The following GLDC variants were observed in gnomAD, a reference collection of about 807,000 sequenced individuals.
GLDC encodes glycine dehydrogenase (decarboxylating), mitochondrial.
A neutral mutation model predicts 121.3 loss-of-function variants in GLDC; 104 were observed. The ratio of observed to expected loss-of-function variants is 0.86; its 90% CI spans 0.73 to 1.01. The LOEUF is 1.01. Among genes scored for constraint, GLDC ranks in the 50% least tolerant of loss-of-function variants. GLDC has a pLI of 0.00. For synonymous variants in GLDC, 546 were observed against 480.6 expected (o/e 1.14, Z -1.78); for missense variants, 1,429 against 1,306.6 (o/e 1.09, Z -1.44).
At chr9:6,629,587 A>C (rs1027115081) in intron 2 of GLDC, among the ~76,000 whole-genome samples, 1 of 145,970 alleles carries the variant, frequency 6.9e-6, no homozygotes, top group African/African-American at 2.6e-5. Context: ...AATCTGTATG[A>C]GTCAAGATAC....
chr9:6,589,188 C>G lies in GLDC; in HGVS notation c.1580+7G>C, dbSNP rs1205124797. 3.2e-6 allele frequency: 5 copies of G among 1,561,888 alleles called. No individual in the cohort carries two copies. The Middle Eastern group carries it at 5.0e-4, about 157-fold the overall frequency. On this transcript the variant is annotated splice_region_variant and intron_variant, in intron 12 of 24. Coordinates refer to ENST00000321612, the MANE Select transcript of GLDC (RefSeq NM_000170.3). ...CAAAACGCAGAAGTCACACAAGACA[C>G]ACAAACCTGTTGAACACTTGATGGG...
Position 6,622,899 on chromosome 9 carries a change from G to A in GLDC, c.335-2580C>T, listed in dbSNP as rs529154830. The A allele has an allele frequency of 1.1e-3, 224 of 202,218 alleles. 3 individuals are homozygous for A. The highest frequency in any genetic ancestry group is 4.7e-3 in the African/African-American group (187 of 40,128). The allele number at this position is 202,218 out of a possible 1,614,324, so 12.5% of individuals were successfully genotyped here. On this transcript the variant is annotated intron_variant, in intron 2 of 24. Transcript: ENST00000321612. ...GGGAGCGCCTCTGCCCCGCCGCCCGGTCTGGGATGTGAGGAGCACCTCTGC... is the reference window on the plus strand; with the variant it reads ...GGGAGCGCCTCTGCCCCGCCGCCCGATCTGGGATGTGAGGAGCACCTCTGC...
At chr9:6,534,283 A>G (rs954533662) in intron 24 of GLDC, 3 of 216,680 alleles carry the variant, frequency 1.4e-5, no homozygotes, top group African/African-American at 6.7e-5. Flanking sequence ...TTTTTATACT[A>G]TTACTGCATA....
chr9:6,584,328 G>A (rs1428707290), intron 15 of GLDC, among the ~76,000 whole-genome samples: 1 of 152,148 alleles, frequency 6.6e-6, no homozygotes, highest in Non-Finnish European at 1.5e-5. Context: ...TTCTCCCTCT[G>A]TGCAGAGTTG....
At chr9:6,582,816 G>A (rs1346472804) in intron 15 of GLDC, among the ~76,000 whole-genome samples, 6 of 148,792 alleles carry the variant, frequency 4.0e-5, no homozygotes, top group South Asian at 2.1e-4. Context: ...GCGACAGAGC[G>A]AGACCTCGTC....
chr9:6,639,273 C>T (rs1387825873), intron 2 of GLDC: 2 of 900,252 alleles, frequency 2.2e-6, no homozygotes, highest in African/African-American at 3.2e-5. Context: ...GCACATCACC[C>T]ACCTTCCGGC....
At chr9:6,613,069 T>C (rs1193136954) in intron 3 of GLDC, among the ~76,000 whole-genome samples, 1 of 152,176 alleles carries the variant, frequency 6.6e-6, no homozygotes. Context: ...GGAGGTAAGA[T>C]GATTAACACT....
At chr9:6,543,511 G>A (rs1289917947) in intron 21 of GLDC, among the ~76,000 whole-genome samples, 1 of 152,172 alleles carries the variant, frequency 6.6e-6, no homozygotes, top group Non-Finnish European at 1.5e-5. Flanking sequence ...AGTGCCATCT[G>A]AAGAGGTCCC....
At chr9:6,552,929 G>GAC in intron 20 of GLDC, among the ~76,000 whole-genome samples, 1 of 151,060 alleles carries the variant, frequency 6.6e-6, no homozygotes, top group East Asian at 2.0e-4. Context: ...TTCTCCTCTG[G>GAC]CCCCCCCCAA....
chr9:6,606,238 G>A, intron 5 of GLDC: 1 of 297,300 alleles, frequency 3.4e-6, no homozygotes, highest in South Asian at 3.3e-5. Flanking sequence ...GAACTTGGGA[G>A]GCGGAGCTTG....
intron 4 of GLDC, among the ~76,000 whole-genome samples, chr9:6,609,639 T>C (rs1427780381): frequency 6.7e-6 from 1 of 148,506 alleles, no homozygotes; most frequent in Non-Finnish European, 1.5e-5. Context: ...CCCAGCCACA[T>C]CTATCCAAAG....
chr9:6,639,668 A>ACTATATATATATATATATAT, intron 2 of GLDC: 1 of 248,648 alleles, frequency 4.0e-6, no homozygotes, highest in Non-Finnish European at 6.4e-6. Context: ...ATAAAAAAAA[A>ACTATATATATATATATATAT]GTATATATAT....
intron 18 of GLDC, 62 bp downstream of exon 18, chr9:6,556,091 T>C: frequency 2.1e-6 from 3 of 1,447,482 alleles, no homozygotes; most frequent in Non-Finnish European, 2.9e-6. Context: ...TCAGAATTTT[T>C]TTTTTTTTCC....
intron 19 of GLDC, among the ~76,000 whole-genome samples, chr9:6,553,901 C>A (rs891782515): frequency 6.6e-6 from 1 of 152,092 alleles, no homozygotes; most frequent in African/African-American, 2.4e-5. Flanking sequence ...ATCATTCTCC[C>A]CACCTCCCTG....
rs113264551 is a variant in GLDC at position 6,584,543 on chromosome 9, G to T, written c.1850+2598C>A. ...ATAAGCCAAAATAGGATTGAAACAA[G>T]GTTAAAAAAATCACTTATATATGGA... On this transcript the variant is annotated intron_variant, in intron 15 of 24. Transcript: ENST00000321612. Among the ~76,000 whole-genome samples, 394 of 151,700 alleles carry T rather than the reference G, an allele frequency of 2.6e-3. 3 individuals are homozygous for T. The highest frequency in any genetic ancestry group is 8.9e-3 in the African/African-American group (370 of 41,494).
chr9:6,564,405 TG>T (rs1183981055), intron 16 of GLDC, among the ~76,000 whole-genome samples: 2 of 152,138 alleles, frequency 1.3e-5, no homozygotes, highest in East Asian at 3.8e-4. Flanking sequence ...CATTCTTTAT[TG>T]CAAATTCCAG....
chr9:6,574,742 CAG>C (rs1818031045), intron 15 of GLDC, among the ~76,000 whole-genome samples: 2 of 152,044 alleles, frequency 1.3e-5, no homozygotes, highest in African/African-American at 4.8e-5. Context: ...TTTGGGAAAT[CAG>C]AGAGGGCTTA....
At chr9:6,544,108 GTAA>G (rs1817334059) in intron 21 of GLDC, among the ~76,000 whole-genome samples, 1 of 152,178 alleles carries the variant, frequency 6.6e-6, no homozygotes, top group East Asian at 1.9e-4. Flanking sequence ...AACTCACTGG[GTAA>G]CTACTCTGGA....
In GLDC at chr9:6,543,868, C is replaced by T. The variant is rs561045456; in HGVS notation, c.2570-3722G>A. Among the ~76,000 whole-genome samples, 3 of 147,310 alleles carry T rather than the reference C, an allele frequency of 2.0e-5. No individual in the cohort carries two copies. In the South Asian group the frequency reaches 6.5e-4, roughly 32 times the overall value. ...AGTGACTACAGCTGAGAAGGTACCACGTGAAAGGGGCAAGGAGGACAGGAG... is the reference window on the plus strand; with the variant it reads ...AGTGACTACAGCTGAGAAGGTACCATGTGAAAGGGGCAAGGAGGACAGGAG... On this transcript the variant is annotated intron_variant, in intron 21 of 24. Coordinates refer to ENST00000321612, the MANE Select transcript of GLDC (RefSeq NM_000170.3).
Sources: allele counts gnomAD v4.1 joint callset (sites outside exome capture counted in the v4.1 genomes callset), GRCh38; gene constraint gnomAD v4.1.1; transcripts MANE v1.5; gene names NCBI Gene and HGNC (gene_info 2026-07-23, HGNC 2026-07-21).